Variants in GADL1 observed in about 807,000 individuals in gnomAD.
GADL1 encodes the protein acidic amino acid decarboxylase GADL1.
GADL1 carries 71 observed loss-of-function variants against 69.5 expected under a neutral mutation model. That is an observed-to-expected ratio of 1.02 (90% CI 0.84 to 1.25). The LOEUF is 1.25. GADL1 is among the 50% of genes most tolerant of loss of function. The probability of loss-of-function intolerance (pLI) is 0.00; values close to 1 mark genes in which losing one functional copy is unlikely to be tolerated. For missense variants in GADL1, 737 were observed against 631.8 expected (o/e 1.17, Z -1.79); for synonymous variants, 254 against 214.4 (o/e 1.18, Z -1.62).
intron 11 of GADL1, among the ~76,000 whole-genome samples, chr3:30,817,339 T>C (rs1697494060): frequency 6.6e-6 from 1 of 152,180 alleles, no homozygotes; most frequent in Non-Finnish European, 1.5e-5. Context: ...TAGAATATAC[T>C]TAAGATTCCA....
intron 14 of GADL1, among the ~76,000 whole-genome samples, chr3:30,730,480 C>T (rs1695439651): frequency 6.6e-6 from 1 of 152,008 alleles, no homozygotes; most frequent in African/African-American, 2.4e-5. Flanking sequence ...ACTTACTTCA[C>T]CTGAAGAAAC....
intron 1 of GADL1, among the ~76,000 whole-genome samples, chr3:30,863,698 TC>T (rs1298326546): frequency 6.9e-6 from 1 of 145,110 alleles, no homozygotes; most frequent in African/African-American, 2.5e-5. Flanking sequence ...TCTTAAATAT[TC>T]CAATGGTCTA....
intron 11 of GADL1, among the ~76,000 whole-genome samples, chr3:30,808,487 G>A (rs1161574800): frequency 7.9e-6 from 1 of 127,188 alleles, no homozygotes; most frequent in Non-Finnish European, 1.6e-5. Flanking sequence ...GACAGAGCAG[G>A]ACTCTATCTC....
chr3:30,892,423 C>T (rs1698798355), intron 1 of GADL1, among the ~76,000 whole-genome samples: 3 of 152,334 alleles, frequency 2.0e-5, no homozygotes, highest in South Asian at 2.1e-4. Flanking sequence ...CCATAGCAAG[C>T]ATTTGGCATA....
intron 11 of GADL1, among the ~76,000 whole-genome samples, chr3:30,813,086 T>C (rs1005298031): frequency 3.9e-5 from 6 of 152,090 alleles, no homozygotes; most frequent in Non-Finnish European, 8.8e-5. Context: ...TTGACAAATT[T>C]TTGGCATATC....
At chr3:30,744,451 C>T (rs1695670691) in intron 14 of GADL1, among the ~76,000 whole-genome samples, 1 of 151,958 alleles carries the variant, frequency 6.6e-6, no homozygotes. Context: ...GTATGATGAC[C>T]CCTAATCTCA....
intron 1 of GADL1, among the ~76,000 whole-genome samples, chr3:30,873,102 A>G (rs1379780740): frequency 6.6e-6 from 1 of 151,922 alleles, no homozygotes; most frequent in African/African-American, 2.4e-5. Flanking sequence ...AAAGAAATAT[A>G]ATGCAAGCCA....
intron 14 of GADL1, among the ~76,000 whole-genome samples, chr3:30,758,094 T>G (rs1696023114): frequency 6.6e-6 from 1 of 152,188 alleles, no homozygotes; most frequent in Admixed American, 6.6e-5. Flanking sequence ...TTTCATAGTT[T>G]CCTGCACAGC....
chr3:30,808,445 C>A (rs987085353), intron 11 of GADL1, among the ~76,000 whole-genome samples: 6 of 150,412 alleles, frequency 4.0e-5, no homozygotes, highest in African/African-American at 1.5e-4. Flanking sequence ...TTGCAGTGAG[C>A]TGAGACAGCG....
Position 30,844,458 on chromosome 3 carries a change from G to A in GADL1, c.660C>T (p.Tyr220=), listed in dbSNP as rs1261618832. The A allele has an allele frequency of 6.2e-7, 1 of 1,607,770 alleles. No homozygotes were observed. The highest frequency in any genetic ancestry group is 8.5e-7 in the Non-Finnish European group (1 of 1,174,320). The change falls in exon 7 of 15, where the codon TAC becomes TAT. Residue 220 remains tyrosine, a synonymous_variant. Transcript: ENST00000282538. ...LILFTSAECH[Y]SMKKAASFLG... The stretch of plus-strand genomic sequence containing the variant: ...GAAAAGAGGCTGCCTTCTTCATAGA[G>A]TAATGACACTGAATTCAAAGGGACA...
chr3:30,778,346 G>GAAA, intron 13 of GADL1, 78 bp from the exon 14 acceptor site: 1 of 913,724 alleles, frequency 1.1e-6, no homozygotes, highest in Non-Finnish European at 1.7e-6. Flanking sequence ...AAAACTCTTA[G>GAAA]CTAGTTTCTT....
At position 30,780,310 on chromosome 3, in the gene GADL1, T is replaced by G. The variant is rs1352650992; in HGVS notation, c.1303-2042A>C. 3.3e-5 allele frequency among the ~76,000 whole-genome samples: 5 copies of G among 152,096 alleles called. No individual in the cohort carries two copies. In the East Asian group the frequency reaches 9.7e-4, roughly 29 times the overall value. On this transcript the variant is annotated intron_variant, in intron 13 of 14. Transcript: ENST00000282538. Reference sequence around the variant, plus strand: ...CCACCAATGTAACATCTCAGTAAACTTTTCTGCTATCCCATGAGCCAAGGT... The same window carrying G: ...CCACCAATGTAACATCTCAGTAAACGTTTCTGCTATCCCATGAGCCAAGGT...
chr3:30,822,314 T>C (rs939332859), intron 11 of GADL1, among the ~76,000 whole-genome samples: 3 of 151,992 alleles, frequency 2.0e-5, no homozygotes, highest in Admixed American at 6.6e-5. Context: ...GGAGGAGGTG[T>C]TGCAAATTTT....
intron 1 of GADL1, among the ~76,000 whole-genome samples, chr3:30,866,582 C>T (rs1327139396): frequency 6.6e-6 from 1 of 152,008 alleles, no homozygotes; most frequent in Non-Finnish European, 1.5e-5. Flanking sequence ...AAACTCTAGA[C>T]CAAGTGGCTG....
At position 30,791,083 on chromosome 3, in the gene GADL1, CAA is replaced by C. The variant is rs1019763136; in HGVS notation, c.1251-4679_1251-4678del. ...ATTGTTTACCTGAGGGAGGGGGAAA[CAA>C]GATGCAATGAGGGTGTGTGGTTTTC... is the stretch of plus-strand genomic sequence containing the variant. On this transcript the variant is annotated intron_variant, in intron 12 of 14. Coordinates refer to ENST00000282538, the MANE Select transcript of GADL1 (RefSeq NM_207359.3). Among the ~76,000 whole-genome samples the C allele has an allele frequency of 9.2e-5, 14 of 151,772 alleles. No individual in the cohort carries two copies. The East Asian group carries it at 2.3e-3, about 25-fold the overall frequency.
rs1357498173 is a variant in GADL1, at chr3:30,726,249, G to C, written c.*1993C>G. ...TTCAAGGTGTTAACTAAAATACAGAGAGCTTTCAACCTACTTTTTCAGTCA... is the reference window on the plus strand; with the variant it reads ...TTCAAGGTGTTAACTAAAATACAGACAGCTTTCAACCTACTTTTTCAGTCA... On this transcript the variant is annotated 3_prime_UTR_variant, in exon 15 of 15. Coordinates refer to ENST00000282538, the MANE Select transcript of GADL1 (RefSeq NM_207359.3). 6.6e-6 allele frequency: 1 copy of C among 152,146 alleles called. No individual in the cohort carries two copies. The highest frequency in any genetic ancestry group is 2.4e-5 in the African/African-American group (1 of 41,502). The allele number at this position is 152,146 out of a possible 1,614,324, so 9.4% of individuals were successfully genotyped here.
At chr3:30,776,369 A>ATT (rs1279301995) in intron 14 of GADL1, among the ~76,000 whole-genome samples, 1 of 152,152 alleles carries the variant, frequency 6.6e-6, no homozygotes. Context: ...TGTTCCTCTA[A>ATT]ACTTCACCAC....
chr3:30,783,485 C>G lies in GADL1; in HGVS notation c.1302+2870G>C, dbSNP rs1193918570. Among the ~76,000 whole-genome samples, 4 of 150,128 alleles carry G rather than the reference C, an allele frequency of 2.7e-5. No individual in the cohort carries two copies. The East Asian group carries it at 5.8e-4, about 22-fold the overall frequency. On this transcript the variant is annotated intron_variant, in intron 13 of 14. Coordinates refer to ENST00000282538, the MANE Select transcript of GADL1 (RefSeq NM_207359.3). Reference sequence around the variant, plus strand: ...GTCTTGTTATGTTCACTTACAATTTCCAATGTTCCACTTTCTCCTTGCTGT... The same window carrying G: ...GTCTTGTTATGTTCACTTACAATTTGCAATGTTCCACTTTCTCCTTGCTGT...
intron 14 of GADL1, among the ~76,000 whole-genome samples, chr3:30,752,978 TCAG>T (rs1255868015): frequency 6.6e-6 from 1 of 152,182 alleles, no homozygotes; most frequent in Admixed American, 6.6e-5. Context: ...CACTTCATTG[TCAG>T]CAGTATTTAA....
Sources: allele counts gnomAD v4.1 joint callset (sites outside exome capture counted in the v4.1 genomes callset), GRCh38; gene constraint gnomAD v4.1.1; transcripts MANE v1.5; gene names NCBI Gene and HGNC (gene_info 2026-07-23, HGNC 2026-07-21).